Variants in SH3GL3 observed in about 807,000 individuals in gnomAD.
The protein encoded by SH3GL3 is SH3 domain containing GRB2 like 3, endophilin A3, also known as endophilin-A3.
In SH3GL3, 33 loss-of-function variants were observed where a neutral mutation model predicts 47.7. That is an observed-to-expected ratio of 0.69 (90% CI 0.52 to 0.92). The LOEUF is 0.92. SH3GL3 is among the 40% of genes least tolerant of loss of function. The probability of loss-of-function intolerance (pLI) is 0.00; values close to 1 mark genes in which losing one functional copy is unlikely to be tolerated. For synonymous variants in SH3GL3, 155 were observed against 148.8 expected (o/e 1.04, Z -0.30); for missense variants, 363 against 417.8 (o/e 0.87, Z 1.14).
At chr15:83,597,891 A>T (rs540090263) in intron 8 of SH3GL3, among the ~76,000 whole-genome samples, 1 of 152,326 alleles carries the variant, frequency 6.6e-6, no homozygotes, top group South Asian at 2.1e-4. Context: ...TATAGGCGTG[A>T]GCCACCACGC....
At chr15:83,510,022 T>C (rs2042681881) in intron 1 of SH3GL3, among the ~76,000 whole-genome samples, 1 of 152,144 alleles carries the variant, frequency 6.6e-6, no homozygotes, top group Non-Finnish European at 1.5e-5. Flanking sequence ...TATTAATGTA[T>C]GTGTTCACCC....
chr15:83,543,783 G>A (rs1249837391), intron 1 of SH3GL3, among the ~76,000 whole-genome samples: 1 of 151,890 alleles, frequency 6.6e-6, no homozygotes, highest in Non-Finnish European at 1.5e-5. Flanking sequence ...GTTTCTTCTA[G>A]GTTTTCCAAT....
At chr15:83,540,842 C>T (rs1184816434) in intron 1 of SH3GL3, among the ~76,000 whole-genome samples, 2 of 152,158 alleles carry the variant, frequency 1.3e-5, no homozygotes, top group African/African-American at 4.8e-5. Flanking sequence ...TTATTGCTGA[C>T]TGTAGCCACT....
chr15:83,474,264 T>C (rs2040989954), intron 1 of SH3GL3, among the ~76,000 whole-genome samples: 1 of 152,170 alleles, frequency 6.6e-6, no homozygotes, highest in African/African-American at 2.4e-5. Context: ...ATATGCTAAA[T>C]GTCGAATGAA....
At chr15:83,486,243 T>C (rs2041590972) in intron 1 of SH3GL3, among the ~76,000 whole-genome samples, 1 of 152,246 alleles carries the variant, frequency 6.6e-6, no homozygotes, top group African/African-American at 2.4e-5. Context: ...TTTTTTTAAA[T>C]TCAAATTTAC....
intron 8 of SH3GL3, among the ~76,000 whole-genome samples, chr15:83,606,863 T>G (rs989514524): frequency 1.3e-5 from 2 of 152,240 alleles, no homozygotes; most frequent in Non-Finnish European, 1.5e-5. Context: ...TACTTAGCAT[T>G]CTTAATAATT....
At chr15:83,549,988 G>A (rs577743467) in intron 1 of SH3GL3, among the ~76,000 whole-genome samples, 33 of 152,224 alleles carry the variant, frequency 2.2e-4, no homozygotes, top group Non-Finnish European at 3.8e-4. Flanking sequence ...TGGTTGCTCC[G>A]ATGACCTCAA....
chr15:83,610,373 T>C (rs1406656802), intron 8 of SH3GL3, among the ~76,000 whole-genome samples: 1 of 151,970 alleles, frequency 6.6e-6, no homozygotes, highest in Non-Finnish European at 1.5e-5. Flanking sequence ...CCCACCTCTA[T>C]AGAAAATACC....
At chr15:83,474,966 C>T (rs2041027385) in intron 1 of SH3GL3, among the ~76,000 whole-genome samples, 1 of 151,592 alleles carries the variant, frequency 6.6e-6, no homozygotes, top group Admixed American at 6.6e-5. Context: ...GGAGGGAGTG[C>T]TTTGCTTGTA....
At chr15:83,609,398 C>T (rs963545672) in intron 8 of SH3GL3, 4 of 445,908 alleles carry the variant, frequency 9.0e-6, no homozygotes, top group Non-Finnish European at 1.8e-5. Context: ...CTATAAAAAG[C>T]AGGAACAAAA....
chr15:83,574,995 T>C (rs1567002207), intron 5 of SH3GL3, among the ~76,000 whole-genome samples: 1 of 152,246 alleles, frequency 6.6e-6, no homozygotes, highest in Non-Finnish European at 1.5e-5. Flanking sequence ...GTGATCGTGG[T>C]TTGTTCCTTG....
At chr15:83,546,313 C>G (rs1476252824) in intron 1 of SH3GL3, among the ~76,000 whole-genome samples, 1 of 151,946 alleles carries the variant, frequency 6.6e-6, no homozygotes, top group East Asian at 2.0e-4. Context: ...CAATCACTGC[C>G]TCAGGCCCAT....
intron 1 of SH3GL3, among the ~76,000 whole-genome samples, chr15:83,515,020 C>T (rs770133745): frequency 4.7e-4 from 72 of 152,258 alleles, no homozygotes; most frequent in Non-Finnish European, 8.4e-4. Flanking sequence ...GGCAAGGACA[C>T]GGATCCTCTC....
Position 83,554,969 on chromosome 15 carries a change from T to G in SH3GL3, c.46-4284T>G, listed in dbSNP as rs182870822. Among the ~76,000 whole-genome samples, 211 of 152,326 alleles carry G rather than the reference T, an allele frequency of 1.4e-3. 1 individual carries two copies. Among genetic ancestry groups the G allele is most frequent in the Middle Eastern group, 6.8e-3 (2 of 294 alleles). On this transcript the variant is annotated intron_variant, in intron 1 of 8. Coordinates refer to ENST00000427482, the MANE Select transcript of SH3GL3 (RefSeq NM_003027.5). ...ACTTGTAAATATTGATTCTCCTATA[T>G]TCTGTTGTTTTTTTCTGGAGTGCCT...
rs1049438765 is a variant in SH3GL3, at chr15:83,509,522, G to A, written c.46-49731G>A. Among the ~76,000 whole-genome samples the A allele has an allele frequency of 1.1e-4, 17 of 152,124 alleles. 1 individual carries two copies. Among genetic ancestry groups the A allele is most frequent in the Non-Finnish European group, 1.5e-5 (1 of 68,020 alleles). ...AATAGTGGGAGAAAGGAAGAACTTC[G>A]TTTTCAGGTTAAGACTTCATATGTC... is the stretch of plus-strand genomic sequence containing the variant. On this transcript the variant is annotated intron_variant, in intron 1 of 8. Transcript: ENST00000427482.
In SH3GL3 at chr15:83,447,579, G is replaced by C; in HGVS notation, c.45+1G>C. 1.3e-6 allele frequency: 2 copies of C among 1,504,298 alleles called. No individual in the cohort carries two copies. Among genetic ancestry groups the C allele is most frequent in the African/African-American group, 2.9e-5 (2 of 69,224 alleles). The allele number at this position is 1,504,298 out of a possible 1,614,324, so 93.2% of individuals were successfully genotyped here. ...GAAGCAGTTCCACAAAGCCAGCCAGGTAGGGAGGCGCAGAGGAGGGAAGGA... is the reference window on the plus strand; with the variant it reads ...GAAGCAGTTCCACAAAGCCAGCCAGCTAGGGAGGCGCAGAGGAGGGAAGGA... On this transcript the variant is annotated splice_donor_variant, in intron 1 of 8. Coordinates refer to ENST00000427482, the MANE Select transcript of SH3GL3 (RefSeq NM_003027.5). LOFTEE classifies it high-confidence loss of function. This position sits in a 1 kb window ranked among gnomAD's most constrained non-coding sequence, Gnocchi z 5.1.
intron 1 of SH3GL3, among the ~76,000 whole-genome samples, chr15:83,549,204 C>G (rs1020129456): frequency 1.3e-5 from 2 of 152,172 alleles, no homozygotes; most frequent in Non-Finnish European, 2.9e-5. Flanking sequence ...AAAATCATTT[C>G]TGATGTCAAT....
chr15:83,482,820 CTTAAGT>C, intron 1 of SH3GL3, among the ~76,000 whole-genome samples: 1 of 152,200 alleles, frequency 6.6e-6, no homozygotes, highest in Non-Finnish European at 1.5e-5. Flanking sequence ...AGAGAATTTT[CTTAAGT>C]TTGTTTTCTA....
chr15:83,509,227 T>C (rs1204957395), intron 1 of SH3GL3, among the ~76,000 whole-genome samples: 1 of 152,190 alleles, frequency 6.6e-6, no homozygotes, highest in Non-Finnish European at 1.5e-5. Flanking sequence ...TGACCTGCCG[T>C]GGAGGGGAGG....
Sources: gnomAD v4.1 joint callset for allele counts (sites outside exome capture counted in the v4.1 genomes callset) on GRCh38, gnomAD v4.1.1 for gene constraint, Gnocchi (gnomAD v3.1) non-coding constraint, MANE v1.5 for transcripts, NCBI Gene and HGNC (gene_info 2026-07-23, HGNC 2026-07-21) for gene names.